The following FAM186A variants were observed in gnomAD, a reference collection of about 807,000 sequenced individuals.
FAM186A encodes the protein protein FAM186A.
A neutral mutation model predicts 216.8 loss-of-function variants in FAM186A; 163 were observed. The ratio of observed to expected loss-of-function variants is 0.75; its 90% confidence interval spans 0.66 to 0.86. The LOEUF (loss-of-function observed/expected upper bound fraction) is 0.86, where lower values mean the gene tolerates loss of function less well. Among genes scored for constraint, FAM186A ranks in the 40% least tolerant of loss-of-function variants. The pLI, the probability that FAM186A is intolerant of heterozygous loss-of-function variation, is 0.00. For synonymous variants in FAM186A, 805 were observed against 1,025.3 expected, an observed-to-expected ratio of 0.79 and a Z score of 4.10; for missense variants, 2,184 against 2,746.2, an observed-to-expected ratio of 0.80 and a Z score of 4.58.
Position 50,355,511 on chromosome 12 carries a change from A to G in FAM186A, c.1321T>C (p.Leu441=), listed in dbSNP as rs4421818. The G allele has an allele frequency of 0.34, 527,302 of 1,550,928 alleles. 92,095 individuals carry two copies. The highest frequency in any genetic ancestry group is 0.47 in the South Asian group (39,282 of 83,924). Residue 441 remains leucine, a synonymous_variant, in exon 4 of 8, where the codon TTG becomes CTG. Coordinates refer to ENST00000327337, the MANE Select transcript of FAM186A (RefSeq NM_001145475.3). ...TCCTGATAGAAATCACCTTTCTTCA[A>G]TGATACGTTATCTTTAGTGCTGTCT... is the stretch of plus-strand genomic sequence containing the variant. ...SEDSTKDNVS[L]KKGDFYQEDE... is the part of the protein sequence containing the mutation.
intron 4 of FAM186A, among the ~76,000 whole-genome samples, chr12:50,342,230 T>C (rs1172408024): frequency 2.0e-5 from 3 of 150,236 alleles, no homozygotes; most frequent in African/African-American, 4.9e-5. Flanking sequence ...TGCTTGAACC[T>C]GGGAGGCAGA....
intron 4 of FAM186A, among the ~76,000 whole-genome samples, chr12:50,346,237 A>AAGG (rs1555215382): frequency 9.8e-6 from 1 of 102,184 alleles, no homozygotes; most frequent in African/African-American, 3.4e-5. Flanking sequence ...AAGAAAGAAA[A>AAGG]AAAGAAAGAA....
chr12:50,351,002 G>C lies in FAM186A; in HGVS notation c.5830C>G (p.Gln1944Glu). Residue 1944 changes from glutamine (Q) to glutamate (E), a missense_variant, in exon 4 of 8, where the codon CAG becomes GAG. Coordinates refer to ENST00000327337, the MANE Select transcript of FAM186A (RefSeq NM_001145475.3). ...LWPSPAPGKPQKSWSPSVAKK... is the reference protein window; with the variant it reads ...LWPSPAPGKPEKSWSPSVAKK... Reference sequence around the variant, plus strand: ...GCAACAGAAGGGGACCAACTTTTCTGGGGCTTTCCAGGGGCTGGGGACGGC... The same window carrying C: ...GCAACAGAAGGGGACCAACTTTTCTCGGGCTTTCCAGGGGCTGGGGACGGC... 6.4e-7 allele frequency: 1 copy of C among 1,551,490 alleles called. No homozygotes were observed. The highest frequency in any genetic ancestry group is 8.7e-7 in the Non-Finnish European group (1 of 1,146,918).
intron 1 of FAM186A, among the ~76,000 whole-genome samples, chr12:50,366,388 T>C (rs1385303700): frequency 6.6e-6 from 1 of 152,136 alleles, no homozygotes; most frequent in Admixed American, 6.6e-5. Context: ...TCCCAACTCA[T>C]CCTTTGAGGC....
intron 1 of FAM186A, among the ~76,000 whole-genome samples, chr12:50,381,040 C>T (rs1406054299): frequency 2.0e-5 from 3 of 152,306 alleles, no homozygotes; most frequent in Non-Finnish European, 4.4e-5. Context: ...CAAGCAGCTT[C>T]CACAGCTAGC....
Position 50,354,270 on chromosome 12 carries a change from A to G in FAM186A, c.2562T>C (p.Tyr854=), listed in dbSNP as rs562582530. 24 of 1,551,264 alleles carry G rather than the reference A, an allele frequency of 1.5e-5. No individual in the cohort carries two copies. The highest frequency in any genetic ancestry group is 2.4e-5 in the East Asian group (1 of 40,906). The part of the protein sequence containing the change: ...LGERNLLKEH[Y]EKISENWEEK... ...CTTCCCAATTCTCACTTATCTTCTCATAGTGCTCCTTCAAGAGATTTCTTT... is the reference window on the plus strand; with the variant it reads ...CTTCCCAATTCTCACTTATCTTCTCGTAGTGCTCCTTCAAGAGATTTCTTT... Residue 854 remains tyrosine, a synonymous_variant, in exon 4 of 8, where the codon TAT becomes TAC. Transcript: ENST00000327337.
intron 4 of FAM186A, among the ~76,000 whole-genome samples, chr12:50,335,642 T>C (rs1443776773): frequency 6.8e-6 from 1 of 146,100 alleles, no homozygotes; most frequent in African/African-American, 2.5e-5. Context: ...TGAGATCCTA[T>C]CTCAAAAAAA....
intron 1 of FAM186A, among the ~76,000 whole-genome samples, chr12:50,374,998 C>A (rs115040424): frequency 6.6e-6 from 1 of 151,332 alleles, no homozygotes; most frequent in African/African-American, 2.4e-5. Flanking sequence ...GCCAACATGA[C>A]GAAACTCCCT....
At position 50,354,855 on chromosome 12, in the gene FAM186A, A is replaced by G. The variant is rs1015223674; in HGVS notation, c.1977T>C (p.Ser659=). Residue 659 remains serine (S), a synonymous_variant, in exon 4 of 8, where the codon AGT becomes AGC. Transcript: ENST00000327337. ...ETSESTRVLE[S]PDGKSEQSNL... The stretch of plus-strand genomic sequence containing the variant: ...TACTCTGTTCACTTTTGCCATCTGG[A>G]CTTTCTAGAACTCTGGTAGATTCTG... The G allele has an allele frequency of 1.1e-5, 17 of 1,546,994 alleles. No homozygotes were observed. Among genetic ancestry groups the G allele is most frequent in the Non-Finnish European group, 1.5e-5 (17 of 1,146,128 alleles).
chr12:50,366,173 G>A, intron 1 of FAM186A: 1 of 590,608 alleles, frequency 1.7e-6, no homozygotes, highest in East Asian at 2.8e-5. Context: ...AAATCATCAT[G>A]CAAAATGAGT....
Position 50,333,965 on chromosome 12 carries a change from A to G in FAM186A, c.6642T>C (p.Ser2214=), listed in dbSNP as rs1942681423. 1.3e-6 allele frequency: 2 copies of G among 1,551,632 alleles called. No homozygotes were observed. The highest frequency in any genetic ancestry group is 1.7e-6 in the Non-Finnish European group (2 of 1,146,980). ...GGCACTGATTCCGTTTCTGCCCTAG[A>G]GACTTCTGCTTCTCAGTCCAGACCT... The part of the protein sequence containing the change: ...VMQVWTEKQK[S]LGQKRNQCLK... Residue 2214 remains serine, a synonymous_variant, in exon 5 of 8, where the codon TCT becomes TCC. Transcript: ENST00000327337.
At position 50,396,465 on chromosome 12, in the gene FAM186A, T is replaced by A. The variant is rs1943415504; in HGVS notation, c.20A>T (p.Asn7Ile). 6.5e-7 allele frequency: 1 copy of A among 1,535,632 alleles called. No individual in the cohort carries two copies. Among genetic ancestry groups the A allele is most frequent in the South Asian group, 1.2e-5 (1 of 80,096 alleles). MFFKMK[N>I]EIDNDPESEK... ...TGATTCAGGGTCATTGTCTATCTCA[T>A]TTTTCATTTTGAAGAACATTTTGAA... The change falls in exon 1 of 8, where the codon AAT (asparagine) becomes ATT (isoleucine). Residue 7 changes from asparagine (N) to isoleucine (I), a missense_variant. Asn to Ile is a moderately radical substitution (Grantham distance 149, BLOSUM62 -3). Coordinates refer to ENST00000327337, the MANE Select transcript of FAM186A (RefSeq NM_001145475.3).
chr12:50,365,238 A>G (rs1024950221), intron 1 of FAM186A, among the ~76,000 whole-genome samples: 1 of 152,146 alleles, frequency 6.6e-6, no homozygotes, highest in Non-Finnish European at 1.5e-5. Flanking sequence ...CCAGTACAAT[A>G]AAACTGAATT....
At position 50,374,347 on chromosome 12, in the gene FAM186A, T is replaced by C. The variant is rs182680595; in HGVS notation, c.193-10983A>G. 1.1e-3 allele frequency among the ~76,000 whole-genome samples: 160 copies of C among 151,338 alleles called. 1 individual carries two copies. The highest frequency in any genetic ancestry group is 3.6e-3 in the African/African-American group (150 of 41,228). ...AGAAAGTTCTAAATAAAAATCTTTA[T>C]AGAAATTAAAAAAAAAAGATTTTCA... On this transcript the variant is annotated intron_variant, in intron 1 of 7. Transcript: ENST00000327337.
chr12:50,363,448 A>G, intron 1 of FAM186A, 84 bp from the exon 2 acceptor site: 1 of 1,157,418 alleles, frequency 8.6e-7, no homozygotes, highest in Non-Finnish European at 1.2e-6. Flanking sequence ...CGTCAGTGAC[A>G]GTTAATTTAA....
rs1413128791 is a variant in FAM186A, at chr12:50,331,717, T to C, written c.6801A>G (p.Lys2267=). The C allele has an allele frequency of 2.6e-6, 4 of 1,549,464 alleles. No homozygotes were observed. The highest frequency in any genetic ancestry group is 3.5e-6 in the Non-Finnish European group (4 of 1,146,590). Residue 2267 remains lysine (K), a synonymous_variant, in exon 6 of 8, where the codon AAA becomes AAG. Transcript: ENST00000327337. ...STTFVQKPFL[K]LLMEEDRTSD... is the part of the protein sequence containing the mutation. ...AGGTTCTGTCCTCTTCCATTAGTAA[T>C]TTTAAGAATGGCTTTTGAACAAATG...
At chr12:50,344,265 A>G (rs1452485569) in intron 4 of FAM186A, among the ~76,000 whole-genome samples, 2 of 152,042 alleles carry the variant, frequency 1.3e-5, no homozygotes, top group East Asian at 3.9e-4. Flanking sequence ...ACCTTGTCCC[A>G]CTTCCTCTCT....
intron 4 of FAM186A, among the ~76,000 whole-genome samples, chr12:50,340,895 C>G (rs190344063): frequency 1.3e-5 from 2 of 151,316 alleles, no homozygotes; most frequent in African/African-American, 4.9e-5. Flanking sequence ...CTCCCGAGTT[C>G]AAGCGATTAT....
chr12:50,332,031 C>A (rs1054882312), intron 5 of FAM186A, among the ~76,000 whole-genome samples: 1 of 152,160 alleles, frequency 6.6e-6, no homozygotes, highest in Admixed American at 6.6e-5. Flanking sequence ...AAGCTTAAGT[C>A]CTGGTCCTCT....
Sources: allele counts gnomAD v4.1 joint callset (sites outside exome capture counted in the v4.1 genomes callset), GRCh38; gene constraint gnomAD v4.1.1; transcripts MANE v1.5; gene names NCBI Gene and HGNC (gene_info 2026-07-23, HGNC 2026-07-21).